The following ERBB4 variants were observed in gnomAD, a reference collection of about 807,000 sequenced individuals.
The protein encoded by ERBB4 is receptor tyrosine-protein kinase erbB-4.
ERBB4 carries 42 observed loss-of-function variants against 158.0 expected under a neutral mutation model. The observed-to-expected ratio is 0.27, with a 90% CI of 0.21 to 0.34. The LOEUF (loss-of-function observed/expected upper bound fraction) is 0.34. ERBB4 is among the 10% of genes least tolerant of loss of function. ERBB4 has a pLI of 1.00. For missense variants in ERBB4, 1,333 were observed against 1,624.1 expected (o/e 0.82, Z 3.08); for synonymous variants, 583 against 558.7 (o/e 1.04, Z -0.61).
intron 18 of ERBB4, among the ~76,000 whole-genome samples, chr2:211,622,410 A>G (rs536753544): frequency 6.6e-6 from 1 of 152,320 alleles, no homozygotes; most frequent in Non-Finnish European, 1.5e-5. Flanking sequence ...ATTTAATTGA[A>G]TAAAATATGC....
chr2:211,795,722 T>A (rs1032889446), intron 3 of ERBB4, among the ~76,000 whole-genome samples: 2 of 151,778 alleles, frequency 1.3e-5, no homozygotes, highest in African/African-American at 4.8e-5. Flanking sequence ...ACATGTATTT[T>A]AATGAAAATT....
At chr2:211,678,754 T>C (rs1006172976) in intron 13 of ERBB4, among the ~76,000 whole-genome samples, 1 of 151,608 alleles carries the variant, frequency 6.6e-6, no homozygotes, top group Admixed American at 6.6e-5. Flanking sequence ...ATCACTAGGT[T>C]AGGAGTTCGA....
intron 5 of ERBB4, among the ~76,000 whole-genome samples, chr2:211,729,859 T>C (rs1221284582): frequency 6.6e-6 from 1 of 151,920 alleles, no homozygotes; most frequent in Non-Finnish European, 1.5e-5. Context: ...CTTCACTGGG[T>C]GCATTAAAAT....
intron 3 of ERBB4, among the ~76,000 whole-genome samples, chr2:211,872,678 G>C (rs2078383158): frequency 6.6e-6 from 1 of 151,980 alleles, no homozygotes; most frequent in Admixed American, 6.6e-5. Flanking sequence ...ATTCAAGTCA[G>C]GTTAGAAATA....
At chr2:211,931,350 A>T (rs1355853370) in intron 3 of ERBB4, among the ~76,000 whole-genome samples, 1 of 152,118 alleles carries the variant, frequency 6.6e-6, no homozygotes, top group Non-Finnish European at 1.5e-5. Context: ...CCAGAAAATA[A>T]ATACACACAG....
intron 2 of ERBB4, among the ~76,000 whole-genome samples, chr2:211,952,994 A>G (rs1299203023): frequency 6.6e-6 from 1 of 152,112 alleles, no homozygotes; most frequent in Non-Finnish European, 1.5e-5. Context: ...CCTAAATTTC[A>G]GAAATGGTTC....
chr2:211,916,656 T>C (rs1432280936), intron 3 of ERBB4, among the ~76,000 whole-genome samples: 1 of 152,136 alleles, frequency 6.6e-6, no homozygotes, highest in African/African-American at 2.4e-5. Flanking sequence ...GAGGGTCTGA[T>C]TTAAATTAAA....
At chr2:211,761,078 C>T (rs1426608353) in intron 4 of ERBB4, among the ~76,000 whole-genome samples, 2 of 151,180 alleles carry the variant, frequency 1.3e-5, no homozygotes, top group African/African-American at 2.4e-5. Flanking sequence ...GCCTGTAATC[C>T]TAGCTACTCA....
chr2:212,366,287 G>T (rs1374969694), intron 1 of ERBB4, among the ~76,000 whole-genome samples: 1 of 151,894 alleles, frequency 6.6e-6, no homozygotes, highest in Non-Finnish European at 1.5e-5. Flanking sequence ...GGCCTGGTTT[G>T]TGCAAGATAG....
chr2:211,542,499 T>C (rs2066836725), intron 20 of ERBB4, among the ~76,000 whole-genome samples: 1 of 152,016 alleles, frequency 6.6e-6, no homozygotes, highest in Non-Finnish European at 1.5e-5. Context: ...TTTCTATGGC[T>C]CTGTCATACT....
chr2:212,449,268 A>C (rs767571219), intron 1 of ERBB4, among the ~76,000 whole-genome samples: 10 of 152,306 alleles, frequency 6.6e-5, no homozygotes, highest in Non-Finnish European at 5.9e-5. Context: ...AATGCACATT[A>C]ATCAACTAAA....
At chr2:212,333,437 G>T (rs1167756538) in intron 1 of ERBB4, among the ~76,000 whole-genome samples, 1 of 151,606 alleles carries the variant, frequency 6.6e-6, no homozygotes, top group Non-Finnish European at 1.5e-5. Flanking sequence ...TCAACACTTT[G>T]GGAGGCCAAG....
intron 1 of ERBB4, among the ~76,000 whole-genome samples, chr2:212,530,144 G>A (rs577960785): frequency 1.3e-5 from 2 of 151,614 alleles, no homozygotes; most frequent in South Asian, 4.2e-4. Context: ...TTGAGGACGT[G>A]GAAGAAGAAG....
chr2:211,797,602 C>A (rs898666436), intron 3 of ERBB4, among the ~76,000 whole-genome samples: 4 of 151,572 alleles, frequency 2.6e-5, no homozygotes, highest in Non-Finnish European at 5.9e-5. Context: ...TCAAATATGT[C>A]AAGATTTTTA....
chr2:211,673,284 G>A lies in ERBB4; in HGVS notation c.1623-27C>T, dbSNP rs753567218. On this transcript the variant is annotated intron_variant, in intron 13 of 27. Transcript: ENST00000342788. ...TGTGAAAACATCAGCCACATGAGGA[G>A]GTGTAAGCAAACAAGCGTCAACTTA... 27 of 1,530,474 alleles carry A rather than the reference G, an allele frequency of 1.8e-5. 3 individuals are homozygous for A. The South Asian group carries it at 2.9e-4, about 16-fold the overall frequency. 94.8% of individuals were successfully genotyped at this position (1,530,474 alleles called of 1,614,324 possible).
intron 20 of ERBB4, among the ~76,000 whole-genome samples, chr2:211,458,118 A>G (rs1410403123): frequency 2.6e-5 from 3 of 116,740 alleles, no homozygotes; most frequent in African/African-American, 8.4e-5. Context: ...CACTCTATAT[A>G]TCTTTCATTC....
intron 25 of ERBB4, among the ~76,000 whole-genome samples, chr2:211,417,053 G>C (rs768271166): frequency 6.6e-6 from 1 of 151,942 alleles, no homozygotes; most frequent in East Asian, 1.9e-4. Flanking sequence ...ATAATATTCC[G>C]TGAGAAAATT....
rs186615328 is a variant in ERBB4 at position 212,392,450 on chromosome 2, A to G, written c.82+145999T>C. 5.5e-4 allele frequency among the ~76,000 whole-genome samples: 84 copies of G among 152,202 alleles called. No homozygotes were observed. In the East Asian group the frequency reaches 0.016, roughly 29 times the overall value. On this transcript the variant is annotated intron_variant, in intron 1 of 27. Transcript: ENST00000342788. ...AGATAAATTTTCGAAATTACTTAGGAATTGTATGTCTTAACTCATTCAATA... is the reference window on the plus strand; with the variant it reads ...AGATAAATTTTCGAAATTACTTAGGGATTGTATGTCTTAACTCATTCAATA...
At chr2:212,329,691 G>T (rs2106288621) in intron 1 of ERBB4, among the ~76,000 whole-genome samples, 1 of 152,158 alleles carries the variant, frequency 6.6e-6, no homozygotes, top group South Asian at 2.1e-4. Flanking sequence ...GGGCAGCCAG[G>T]TTTGTAAAAC....
Sources: allele counts gnomAD v4.1 joint callset (sites outside exome capture counted in the v4.1 genomes callset), GRCh38; gene constraint gnomAD v4.1.1; transcripts MANE v1.5; gene names NCBI Gene and HGNC (gene_info 2026-07-23, HGNC 2026-07-21).